The following ZNF649 variants were observed in gnomAD, a reference collection of about 807,000 sequenced individuals.
ZNF649 encodes zinc finger protein 649.
In ZNF649, 7 loss-of-function variants were observed where a neutral mutation model predicts 14.1. That is an observed-to-expected ratio of 0.49 (90% CI 0.28 to 0.93). ZNF649 has a LOEUF of 0.93. Among genes scored for constraint, ZNF649 ranks in the 40% least tolerant of loss-of-function variants. The probability of loss-of-function intolerance (pLI) is 0.10; values close to 1 mark genes in which losing one functional copy is unlikely to be tolerated. For synonymous variants in ZNF649, 227 were observed against 212.3 expected (o/e 1.07, Z -0.60); for missense variants, 544 against 608.1 (o/e 0.89, Z 1.11).
Position 51,891,743 on chromosome 19 carries a change from C to G in ZNF649, c.393G>C (p.Glu131Asp). 4 of 1,613,572 alleles carry G rather than the reference C, an allele frequency of 2.5e-6. No individual in the cohort carries two copies. The highest frequency in any genetic ancestry group is 1.7e-6 in the Non-Finnish European group (2 of 1,179,924). ...SRRYNRKEPA[E>D]FNGDGAFLHD... ...GGAGAAAAGCTCCATCTCCATTAAA[C>G]TCAGCAGGCTCCTTTCTGTTGTATC... Residue 131 changes from glutamate (E) to aspartate (D), a missense_variant, in exon 5 of 5, where the codon GAG becomes GAC. Coordinates refer to ENST00000354957, the MANE Select transcript of ZNF649 (RefSeq NM_023074.4). The surrounding 1 kb of genome is among the most constrained non-coding windows in gnomAD (Gnocchi z 4.2).
chr19:51,902,980 G>A (rs977040831), intron 1 of ZNF649, among the ~76,000 whole-genome samples: 2 of 152,182 alleles, frequency 1.3e-5, no homozygotes, highest in Non-Finnish European at 2.9e-5. Context: ...TTATCTCGGG[G>A]TAAATGCTCC....
At chr19:51,896,436 G>A (rs370523319) in intron 4 of ZNF649, 36 bp downstream of exon 4, 87 of 1,584,152 alleles carry the variant, frequency 5.5e-5, no homozygotes, top group South Asian at 3.5e-4. Flanking sequence ...TGTGACTTCC[G>A]CTGCCTTCCC....
At chr19:51,900,968 A>C (rs1324633845) in intron 1 of ZNF649, among the ~76,000 whole-genome samples, 2 of 152,224 alleles carry the variant, frequency 1.3e-5, no homozygotes, top group Non-Finnish European at 2.9e-5. Flanking sequence ...TTACTGTGAA[A>C]ACATACACAG....
At chr19:51,897,019 T>G in intron 2 of ZNF649, 41 bp from the exon 3 acceptor site, 1 of 1,612,448 alleles carries the variant, frequency 6.2e-7, no homozygotes, top group Middle Eastern at 1.7e-4. Context: ...TCTCTTTTAT[T>G]GACATGGAAG....
intron 1 of ZNF649, among the ~76,000 whole-genome samples, chr19:51,901,164 T>C (rs1296379028): frequency 6.6e-6 from 1 of 152,142 alleles, no homozygotes; most frequent in Non-Finnish European, 1.5e-5. Flanking sequence ...GCCATGGTTT[T>C]TATTGGGGGC....
Position 51,900,127 on chromosome 19 carries a change from T to C in ZNF649, c.-20A>G. The C allele has an allele frequency of 6.7e-7, 1 of 1,498,344 alleles. No homozygotes were observed. The highest frequency in any genetic ancestry group is 8.9e-7 in the Non-Finnish European group (1 of 1,121,000). The allele number at this position is 1,498,344 out of a possible 1,614,324, so 92.8% of individuals were successfully genotyped here. On this transcript the variant is annotated 5_prime_UTR_variant, in exon 2 of 5. Coordinates refer to ENST00000354957, the MANE Select transcript of ZNF649 (RefSeq NM_023074.4). ...TGTCATTTTCTTCTGTTTCAGGAAA[T>C]ACCCAAGAACTGGGATGCTTCGTCT...
intron 4 of ZNF649, among the ~76,000 whole-genome samples, chr19:51,894,792 A>T (rs1343389509): frequency 6.6e-6 from 1 of 152,166 alleles, no homozygotes; most frequent in Non-Finnish European, 1.5e-5. Context: ...AGTCTCTTCT[A>T]CTGTGTATTA....
At chr19:51,892,558 G>A (rs1353355874) in intron 4 of ZNF649, among the ~76,000 whole-genome samples, 1 of 152,042 alleles carries the variant, frequency 6.6e-6, no homozygotes, top group South Asian at 2.1e-4. Context: ...CCTGAGTAGG[G>A]AAACAGCAGA....
chr19:51,894,237 A>C (rs994924604), intron 4 of ZNF649, among the ~76,000 whole-genome samples: 1 of 151,994 alleles, frequency 6.6e-6, no homozygotes, highest in African/African-American at 2.4e-5. Flanking sequence ...GGTTCAAGCA[A>C]TTCTCCTGCC....
At chr19:51,893,866 T>C (rs1292765368) in intron 4 of ZNF649, among the ~76,000 whole-genome samples, 1 of 152,172 alleles carries the variant, frequency 6.6e-6, no homozygotes, top group Non-Finnish European at 1.5e-5. Flanking sequence ...AGCTTTACTT[T>C]TAGTTTTTCT....
chr19:51,890,720 G>C lies in ZNF649; in HGVS notation c.1416C>G (p.Ser472Arg), dbSNP rs113984940. ...KVENPSTASHSLSPSEHVQGK... is the reference protein window; with the variant it reads ...KVENPSTASHRLSPSEHVQGK... ...CCTGCACATGTTCACTAGGACTTAA[G>C]CTGTGACTTGCTGTGGAAGGATTTT... The change falls in exon 5 of 5, where the codon AGC (serine) becomes AGG (arginine). Residue 472 changes from serine (S) to arginine (R), a missense_variant. Physicochemically the swap from Ser to Arg is moderately radical, Grantham distance 110. Coordinates refer to ENST00000354957, the MANE Select transcript of ZNF649 (RefSeq NM_023074.4). 1.2e-6 allele frequency: 2 copies of C among 1,614,186 alleles called. No individual in the cohort carries two copies. The highest frequency in any genetic ancestry group is 1.7e-6 in the Non-Finnish European group (2 of 1,180,036).
At position 51,896,887 on chromosome 19, in the gene ZNF649, A is replaced by G. The variant is rs1411760438; in HGVS notation, c.107T>C (p.Val36Ala). The change falls in exon 3 of 5, where the codon GTG becomes GCG. Residue 36 changes from valine (V) to alanine (A), a missense_variant. Coordinates refer to ENST00000354957, the MANE Select transcript of ZNF649 (RefSeq NM_023074.4). The stretch of plus-strand genomic sequence containing the variant: ...AAGGTTGCTGTAGTTCTCCAACATC[A>G]CATCCCGGTACAGGTCCTTCTGAGC... ...SPAQKDLYRD[V>A]MLENYSNLVS... 3 of 1,613,976 alleles carry G rather than the reference A, an allele frequency of 1.9e-6. No individual in the cohort carries two copies. The highest frequency in any genetic ancestry group is 2.5e-6 in the Non-Finnish European group (3 of 1,180,006).
Position 51,891,748 on chromosome 19 carries a change from C to T in ZNF649, c.388G>A (p.Ala130Thr). ...QSRRYNRKEP[A>T]EFNGDGAFLH... ...AAAGCTCCATCTCCATTAAACTCAG[C>T]AGGCTCCTTTCTGTTGTATCTTCTG... Residue 130 changes from alanine to threonine, a missense_variant, in exon 5 of 5, where the codon GCT becomes ACT. Coordinates refer to ENST00000354957, the MANE Select transcript of ZNF649 (RefSeq NM_023074.4). This position sits in a 1 kb window ranked among gnomAD's most constrained non-coding sequence, Gnocchi z 4.2. 1.2e-6 allele frequency: 2 copies of T among 1,613,670 alleles called. No individual in the cohort carries two copies. Among genetic ancestry groups the T allele is most frequent in the Non-Finnish European group, 1.7e-6 (2 of 1,179,934 alleles).
intron 4 of ZNF649, 136 bp from the exon 5 acceptor site, chr19:51,892,033 C>T (rs1264173088): frequency 9.3e-7 from 1 of 1,073,530 alleles, no homozygotes; most frequent in Non-Finnish European, 1.3e-6. Context: ...TATAAGTGTT[C>T]CCTATCTGTT....
intron 2 of ZNF649, among the ~76,000 whole-genome samples, chr19:51,899,299 C>T (rs1039101109): frequency 1.3e-5 from 2 of 152,162 alleles, no homozygotes; most frequent in Non-Finnish European, 2.9e-5. Context: ...CAGGGAAGGG[C>T]TCTGTATTTT....
chr19:51,898,265 G>A (rs1235786608), intron 2 of ZNF649, among the ~76,000 whole-genome samples: 1 of 151,910 alleles, frequency 6.6e-6, no homozygotes, highest in African/African-American at 2.4e-5. Flanking sequence ...TTCAGGGCTC[G>A]GTCCCACAAG....
At chr19:51,904,163 G>A (rs2085110043) in intron 1 of ZNF649, 1 of 152,138 alleles carries the variant, frequency 6.6e-6, no homozygotes, top group South Asian at 2.1e-4. Context: ...TTCTGACCAC[G>A]AGGCACCCCT....
chr19:51,890,773 C>A lies in ZNF649; in HGVS notation c.1363G>T (p.Glu455Ter). The change falls in exon 5 of 5, where the codon GAG (glutamate) becomes TAG (stop). Residue 455 changes from glutamate (E) to a stop codon, truncating the protein, a stop_gained. Transcript: ENST00000354957. LOFTEE classifies it low-confidence loss of function (END_TRUNC). ...ACCTTCACTGAATCCCCCCGTTTCTCCCTTGAGTGTATTCTCTTATGTTTA... is the reference window on the plus strand; with the variant it reads ...ACCTTCACTGAATCCCCCCGTTTCTACCTTGAGTGTATTCTCTTATGTTTA... ...LVKHKRIHSR[E>*]KRGDSVKVEN... 1 of 1,614,218 alleles carries A rather than the reference C, an allele frequency of 6.2e-7. No homozygotes were observed. Among genetic ancestry groups the A allele is most frequent in the Non-Finnish European group, 8.5e-7 (1 of 1,180,038 alleles).
chr19:51,891,052 C>T lies in ZNF649; in HGVS notation c.1084G>A (p.Val362Ile). The T allele has an allele frequency of 6.2e-7, 1 of 1,614,196 alleles. No homozygotes were observed. The highest frequency in any genetic ancestry group is 1.1e-5 in the South Asian group (1 of 91,086). Residue 362 changes from valine to isoleucine, a missense_variant, in exon 5 of 5, where the codon GTA becomes ATA. Coordinates refer to ENST00000354957, the MANE Select transcript of ZNF649 (RefSeq NM_023074.4). This position sits in a 1 kb window ranked among gnomAD's most constrained non-coding sequence, Gnocchi z 4.2. Reference protein sequence around the residue: ...GKAFSQKSCLVAHQRYHTGKT... With the variant: ...GKAFSQKSCLIAHQRYHTGKT... ...CCTGTATGATATCTCTGATGTGCTA[C>T]AAGGCAAGACTTCTGGCTGAAGGCC...
Sources: gnomAD v4.1 joint callset for allele counts (sites outside exome capture counted in the v4.1 genomes callset) on GRCh38, gnomAD v4.1.1 for gene constraint, Gnocchi (gnomAD v3.1) non-coding constraint, MANE v1.5 for transcripts, NCBI Gene and HGNC (gene_info 2026-07-23, HGNC 2026-07-21) for gene names.